The following SAMD12 variants were observed in gnomAD, a reference collection of about 807,000 sequenced individuals.
SAMD12 encodes the protein sterile alpha motif domain-containing protein 12.
SAMD12 carries 9 observed loss-of-function variants against 15.0 expected under a neutral mutation model. The ratio of observed to expected loss-of-function variants is 0.60; its 90% CI spans 0.36 to 1.05. The LOEUF is 1.05. Among genes scored for constraint, SAMD12 ranks in the 50% least tolerant of loss-of-function variants. SAMD12 has a pLI of 0.01. For missense variants in SAMD12, 230 were observed against 234.2 expected (o/e 0.98, Z 0.12); for synonymous variants, 86 against 90.1 (o/e 0.96, Z 0.25).
chr8:118,271,860 G>A (rs1288421905), intron 4 of SAMD12, among the ~76,000 whole-genome samples: 1 of 152,214 alleles, frequency 6.6e-6, no homozygotes, highest in Non-Finnish European at 1.5e-5. Context: ...CTCTGCCCCT[G>A]TGGCTTTGTA....
intron 4 of SAMD12, among the ~76,000 whole-genome samples, chr8:118,224,933 A>G (rs1381319261): frequency 6.6e-6 from 1 of 152,210 alleles, no homozygotes; most frequent in Admixed American, 6.5e-5. Context: ...CTGGCACTAA[A>G]AACGTTTTGG....
chr8:118,616,474 G>A (rs964374905), intron 1 of SAMD12, among the ~76,000 whole-genome samples: 6 of 152,242 alleles, frequency 3.9e-5, no homozygotes, highest in African/African-American at 1.4e-4. Context: ...CTAGCACCAA[G>A]AGAATCACAC....
chr8:118,132,605 C>T, the SAMD12 span, among the ~76,000 whole-genome samples: 2 of 152,074 alleles, frequency 1.3e-5, no homozygotes, highest in Non-Finnish European at 2.9e-5. Context: ...TTTTCTAGAA[C>T]AAGTGTTTCT....
At chr8:118,370,844 T>C (rs933360651) in intron 4 of SAMD12, among the ~76,000 whole-genome samples, 2 of 152,154 alleles carry the variant, frequency 1.3e-5, no homozygotes, top group African/African-American at 2.4e-5. Context: ...CCGGGCTTAA[T>C]ACCTAAGTGA....
At chr8:118,251,735 G>A (rs1299267928) in intron 4 of SAMD12, among the ~76,000 whole-genome samples, 13 of 151,888 alleles carry the variant, frequency 8.6e-5, no homozygotes, top group Admixed American at 4.6e-4. Context: ...GCTATATTCC[G>A]TACCTAATAC....
chr8:118,568,483 G>A (rs1382962082), intron 2 of SAMD12, among the ~76,000 whole-genome samples: 2 of 152,162 alleles, frequency 1.3e-5, no homozygotes, highest in Admixed American at 6.5e-5. Context: ...GACATGATCT[G>A]ACTCACACAT....
chr8:118,463,243 T>C (rs1176346435), intron 2 of SAMD12, among the ~76,000 whole-genome samples: 2 of 151,770 alleles, frequency 1.3e-5, no homozygotes, highest in African/African-American at 4.8e-5. Flanking sequence ...CTTGAACTCG[T>C]TGGGGTGGGG....
At chr8:118,209,772 G>C (rs2129811830) in intron 4 of SAMD12, among the ~76,000 whole-genome samples, 1 of 152,340 alleles carries the variant, frequency 6.6e-6, no homozygotes, top group Non-Finnish European at 1.5e-5. Context: ...TTCTTGCTTA[G>C]TTGATTTCCT....
exon 5 of SAMD12, chr8:118,195,631 C>G (rs1819536623): frequency 6.6e-6 from 1 of 152,326 alleles, no homozygotes; most frequent in South Asian, 2.1e-4. Flanking sequence ...CTAGGTTACT[C>G]TGGCAGAATG....
intron 4 of SAMD12, among the ~76,000 whole-genome samples, chr8:118,199,609 G>C (rs1819656407): frequency 6.6e-6 from 1 of 152,128 alleles, no homozygotes; most frequent in African/African-American, 2.4e-5. Flanking sequence ...TTGATAACTA[G>C]GTTTATCATA....
intron 4 of SAMD12, among the ~76,000 whole-genome samples, chr8:118,287,110 G>A (rs1169227576): frequency 6.7e-6 from 1 of 149,010 alleles, no homozygotes; most frequent in Admixed American, 6.9e-5. Flanking sequence ...AAGAAACTGA[G>A]TAAGGAAGAA....
intron 3 of SAMD12, among the ~76,000 whole-genome samples, chr8:118,425,511 C>T (rs1822205685): frequency 6.6e-6 from 1 of 152,074 alleles, no homozygotes; most frequent in Non-Finnish European, 1.5e-5. Context: ...CAGTGAGACT[C>T]CTACCCTGTC....
the SAMD12 span, among the ~76,000 whole-genome samples, chr8:118,156,197 G>A: frequency 6.6e-6 from 1 of 152,128 alleles, no homozygotes; most frequent in Non-Finnish European, 1.5e-5. Context: ...ACTGCAAAAA[G>A]ACCCACTGAG....
chr8:118,149,723 C>T, the SAMD12 span, among the ~76,000 whole-genome samples: 1 of 151,988 alleles, frequency 6.6e-6, no homozygotes, highest in Non-Finnish European at 1.5e-5. Flanking sequence ...CATTTATGCC[C>T]ATGATCCGTT....
At chr8:118,535,758 T>TATC (rs1825821262) in intron 2 of SAMD12, among the ~76,000 whole-genome samples, 1 of 152,230 alleles carries the variant, frequency 6.6e-6, no homozygotes, top group South Asian at 2.1e-4. Context: ...AGGTGCAGGA[T>TATC]ATCATCTCCT....
chr8:118,525,357 A>G (rs192821425), intron 2 of SAMD12, among the ~76,000 whole-genome samples: 37 of 152,184 alleles, frequency 2.4e-4, no homozygotes, highest in African/African-American at 7.9e-4. Flanking sequence ...ACCTTGCTTT[A>G]TAAGACTTTT....
intron 4 of SAMD12, among the ~76,000 whole-genome samples, chr8:118,267,108 G>C (rs567004728): frequency 5.9e-4 from 89 of 151,962 alleles, no homozygotes; most frequent in Admixed American, 2.0e-3. Context: ...TTTTGTACTT[G>C]TCAGTTAAAA....
At chr8:118,447,878 A>G (rs1273738707) in intron 2 of SAMD12, among the ~76,000 whole-genome samples, 1 of 151,192 alleles carries the variant, frequency 6.6e-6, no homozygotes, top group African/African-American at 2.4e-5. Context: ...GGAGCCCGCC[A>G]CCATGCGTGG....
intron 2 of SAMD12, among the ~76,000 whole-genome samples, chr8:118,449,770 C>T (rs1314424802): frequency 2.2e-5 from 3 of 136,120 alleles, no homozygotes; most frequent in Admixed American, 7.7e-5. Flanking sequence ...CACTGCACTC[C>T]GGCCTGGGCA....
Sources: gnomAD v4.1 joint callset for allele counts (sites outside exome capture counted in the v4.1 genomes callset) on GRCh38, gnomAD v4.1.1 for gene constraint, MANE v1.5 for transcripts, NCBI Gene and HGNC (gene_info 2026-07-23, HGNC 2026-07-21) for gene names.